ZNF423: variants seen among roughly 807,000 people sequenced by gnomAD.
ZNF423 encodes Ebf-associated zinc finger protein.
Under a neutral mutation model 95.8 loss-of-function variants are expected in ZNF423, and 12 were observed. That is an observed-to-expected ratio of 0.13 (90% CI 0.08 to 0.20). The LOEUF (loss-of-function observed/expected upper bound fraction) is 0.20. Among genes scored for constraint, ZNF423 ranks in the 10% least tolerant of loss-of-function variants. The probability of loss-of-function intolerance (pLI) is 1.00; values close to 1 mark genes in which losing one functional copy is unlikely to be tolerated. For missense variants in ZNF423, 1,316 were observed against 1,737.1 expected (o/e 0.76, Z 4.31); for synonymous variants, 749 against 711.9 (o/e 1.05, Z -0.83).
chr16:49,512,562 C>T (rs1397331136), intron 7 of ZNF423, among the ~76,000 whole-genome samples: 2 of 152,224 alleles, frequency 1.3e-5, no homozygotes, highest in African/African-American at 4.8e-5. Context: ...CATGTGGTCA[C>T]ATTCAGTAGA....
intron 5 of ZNF423, among the ~76,000 whole-genome samples, chr16:49,541,355 C>T (rs1035374659): frequency 6.6e-6 from 1 of 152,200 alleles, no homozygotes; most frequent in African/African-American, 2.4e-5. Flanking sequence ...CTCAGACTAA[C>T]AATCTCCCAC....
At chr16:49,798,373 T>G (rs1405538051) in intron 1 of ZNF423, among the ~76,000 whole-genome samples, 1 of 152,164 alleles carries the variant, frequency 6.6e-6, no homozygotes, top group Non-Finnish European at 1.5e-5. Context: ...CTGGGTGTGA[T>G]GATGCACACC....
At chr16:49,775,738 GA>G (rs2034109897) in intron 2 of ZNF423, among the ~76,000 whole-genome samples, 1 of 152,138 alleles carries the variant, frequency 6.6e-6, no homozygotes, top group South Asian at 2.1e-4. Context: ...GGAAGTCAGG[GA>G]CCCAACTGTG....
chr16:49,792,223 C>T (rs991817657), intron 1 of ZNF423, among the ~76,000 whole-genome samples: 2 of 152,130 alleles, frequency 1.3e-5, no homozygotes, highest in Non-Finnish European at 2.9e-5. Flanking sequence ...ATAGTCTGCA[C>T]ACTTACACCC....
intron 5 of ZNF423, among the ~76,000 whole-genome samples, chr16:49,558,525 G>A (rs1478519167): frequency 6.6e-6 from 1 of 152,146 alleles, no homozygotes; most frequent in Non-Finnish European, 1.5e-5. Flanking sequence ...CCAGTGTGCA[G>A]GAGAAATCAT....
intron 3 of ZNF423, among the ~76,000 whole-genome samples, chr16:49,720,429 C>G (rs1413009602): frequency 6.6e-6 from 1 of 152,172 alleles, no homozygotes; most frequent in Non-Finnish European, 1.5e-5. Context: ...ATCCCACCCC[C>G]CACCAGCAGT....
chr16:49,590,029 A>AATATATATATATAT lies in ZNF423; in HGVS notation c.3601+36127_3601+36140dup, dbSNP rs201361462. On this transcript the variant is annotated intron_variant, in intron 5 of 7. Coordinates refer to ENST00000563137, the MANE Select transcript of ZNF423 (RefSeq NM_001379286.1). The stretch of plus-strand genomic sequence containing the variant: ...GGGATGGGGTAAAGGGGAAGTGGCG[A>AATATATATATATAT]ATATATATATATATATATATATTTG... 2.7e-3 allele frequency among the ~76,000 whole-genome samples: 265 copies of AATATATATATATAT among 97,576 alleles called. 20 individuals carry two copies. Among genetic ancestry groups the AATATATATATATAT allele is most frequent in the East Asian group, 7.0e-3 (14 of 1,988 alleles). The allele number at this position is 97,576 out of a possible 152,430, so 64.0% of individuals were successfully genotyped here. A position where few individuals can be genotyped will look rare whatever the true frequency, so the allele number is the denominator to read the frequency against.
At chr16:49,513,778 A>C (rs528900304) in intron 7 of ZNF423, among the ~76,000 whole-genome samples, 2 of 152,260 alleles carry the variant, frequency 1.3e-5, no homozygotes, top group African/African-American at 2.4e-5. Context: ...CAACGGAATC[A>C]GGGGGGTTAA....
At chr16:49,518,251 C>CA in intron 7 of ZNF423, 1 of 385,392 alleles carries the variant, frequency 2.6e-6, no homozygotes, top group South Asian at 2.0e-5. Context: ...CCATTTCTTG[C>CA]ATGTGCAGAC....
intron 3 of ZNF423, among the ~76,000 whole-genome samples, chr16:49,678,848 A>C (rs1377761683): frequency 6.6e-6 from 1 of 152,236 alleles, no homozygotes; most frequent in African/African-American, 2.4e-5. Context: ...AATGAATACA[A>C]ATCATGAAGA....
intron 5 of ZNF423, among the ~76,000 whole-genome samples, chr16:49,584,615 CA>C (rs1970767995): frequency 6.6e-6 from 1 of 152,120 alleles, no homozygotes; most frequent in African/African-American, 2.4e-5. Flanking sequence ...GCAGTGTCAA[CA>C]GAGCTAGCTT....
At chr16:49,506,336 G>A (rs1450975034) in intron 7 of ZNF423, among the ~76,000 whole-genome samples, 1 of 152,142 alleles carries the variant, frequency 6.6e-6, no homozygotes, top group African/African-American at 2.4e-5. Flanking sequence ...ATGATGGACA[G>A]ATGGATGGAT....
chr16:49,559,219 C>T (rs1667052280), intron 5 of ZNF423, among the ~76,000 whole-genome samples: 1 of 152,258 alleles, frequency 6.6e-6, no homozygotes, highest in African/African-American at 2.4e-5. Context: ...GGCTTGGCCA[C>T]ACAAAAGGGG....
chr16:49,527,451 T>C (rs1417548357), intron 5 of ZNF423, among the ~76,000 whole-genome samples: 2 of 152,126 alleles, frequency 1.3e-5, no homozygotes, highest in Non-Finnish European at 2.9e-5. Flanking sequence ...TGTGGGGGGC[T>C]GCCTCAAAAG....
chr16:49,547,746 C>T (rs1187475310), intron 5 of ZNF423, among the ~76,000 whole-genome samples: 3 of 152,224 alleles, frequency 2.0e-5, no homozygotes, highest in East Asian at 1.9e-4. Context: ...TGGGGCTTCT[C>T]GCAAAAGTCG....
chr16:49,592,113 T>C (rs1027849464), intron 5 of ZNF423, among the ~76,000 whole-genome samples: 2 of 152,268 alleles, frequency 1.3e-5, no homozygotes, highest in Non-Finnish European at 2.9e-5. Flanking sequence ...TTAATTTCTA[T>C]TTATTGATAT....
intron 2 of ZNF423, among the ~76,000 whole-genome samples, chr16:49,755,898 AGACCCTGTGCTAGG>A (rs1292747841): frequency 1.3e-5 from 2 of 152,202 alleles, no homozygotes; most frequent in Non-Finnish European, 2.9e-5. Context: ...TGCCACCCGA[AGACCCTGTGCTAGG>A]GACCCGGTGG....
intron 3 of ZNF423, among the ~76,000 whole-genome samples, chr16:49,723,019 G>A (rs982156189): frequency 1.4e-5 from 2 of 141,498 alleles, no homozygotes; most frequent in Non-Finnish European, 1.5e-5. Context: ...GCAGTGGTGT[G>A]ATCTCGGCTC....
chr16:49,721,223 A>G (rs1437402484), intron 3 of ZNF423, among the ~76,000 whole-genome samples: 2 of 152,204 alleles, frequency 1.3e-5, no homozygotes, highest in African/African-American at 4.8e-5. Flanking sequence ...CTCTATGCAG[A>G]TAGCACATTA....
Sources: allele counts gnomAD v4.1 joint callset (sites outside exome capture counted in the v4.1 genomes callset), GRCh38; gene constraint gnomAD v4.1.1; transcripts MANE v1.5; gene names NCBI Gene and HGNC (gene_info 2026-07-23, HGNC 2026-07-21).